Variants in VTI1A observed in about 807,000 individuals in gnomAD.
VTI1A encodes vesicle transport through interaction with t-SNAREs homolog 1A.
VTI1A carries 22 observed loss-of-function variants against 34.9 expected under a neutral mutation model. The ratio of observed to expected loss-of-function variants is 0.63; its 90% CI spans 0.45 to 0.90. The LOEUF is 0.90. Ranked by LOEUF, VTI1A falls within the 40% of genes least tolerant of loss-of-function variation. VTI1A has a pLI of 0.00. For synonymous variants in VTI1A, 87 were observed against 97.3 expected (o/e 0.89, Z 0.62); for missense variants, 268 against 275.6 (o/e 0.97, Z 0.20).
chr10:112,758,881 T>C (rs1851368362), intron 7 of VTI1A, among the ~76,000 whole-genome samples: 1 of 152,206 alleles, frequency 6.6e-6, no homozygotes, highest in South Asian at 2.1e-4. Flanking sequence ...GCATCTTCCT[T>C]TCGAAACCAG....
the VTI1A span, among the ~76,000 whole-genome samples, chr10:112,834,728 C>T: frequency 5.3e-5 from 8 of 152,350 alleles, no homozygotes; most frequent in South Asian, 2.1e-4. Context: ...GCTGGAAGCT[C>T]GCTCCCCTGG....
intron 5 of VTI1A, among the ~76,000 whole-genome samples, chr10:112,626,734 C>T (rs1845937910): frequency 6.6e-6 from 1 of 152,190 alleles, no homozygotes; most frequent in African/African-American, 2.4e-5. Context: ...TGGTAGTCCA[C>T]TGCTCTTCAG....
intron 5 of VTI1A, among the ~76,000 whole-genome samples, chr10:112,556,195 G>A (rs74353876): frequency 6.6e-6 from 1 of 151,916 alleles, no homozygotes; most frequent in South Asian, 2.1e-4. Flanking sequence ...GACTTCTTAT[G>A]TGAGTCTGAA....
intron 5 of VTI1A, among the ~76,000 whole-genome samples, chr10:112,622,209 A>G (rs1380785955): frequency 6.6e-6 from 1 of 152,154 alleles, no homozygotes; most frequent in African/African-American, 2.4e-5. Flanking sequence ...CGATATACCT[A>G]AAAGCCAAAC....
chr10:112,508,615 G>A (rs915081612), intron 3 of VTI1A, among the ~76,000 whole-genome samples: 1 of 152,174 alleles, frequency 6.6e-6, no homozygotes, highest in African/African-American at 2.4e-5. Flanking sequence ...AAGCAGATGT[G>A]TAGACTGGGT....
intron 7 of VTI1A, among the ~76,000 whole-genome samples, chr10:112,786,762 AC>A (rs1227291203): frequency 1.3e-5 from 2 of 152,212 alleles, no homozygotes; most frequent in African/African-American, 4.8e-5. Flanking sequence ...TGTTAAATCA[AC>A]CTTGCATTTC....
the VTI1A span, chr10:112,827,551 G>T: frequency 6.6e-6 from 1 of 151,666 alleles, no homozygotes. Context: ...ATATTCACAG[G>T]GTTATTGTTT....
the VTI1A span, among the ~76,000 whole-genome samples, chr10:112,840,495 G>A: frequency 8.7e-4 from 133 of 152,298 alleles, no homozygotes; most frequent in African/African-American, 3.1e-3. Flanking sequence ...AATAGCCTTC[G>A]CTTGTTCTCA....
intron 5 of VTI1A, among the ~76,000 whole-genome samples, chr10:112,630,937 TATG>T: frequency 6.6e-6 from 1 of 151,942 alleles, no homozygotes; most frequent in Non-Finnish European, 1.5e-5. Context: ...GCCTGACCAA[TATG>T]ATGAAACCCC....
intron 7 of VTI1A, among the ~76,000 whole-genome samples, chr10:112,742,714 C>G (rs1207919119): frequency 6.6e-6 from 1 of 152,176 alleles, no homozygotes; most frequent in Non-Finnish European, 1.5e-5. Context: ...GTTGGCATCT[C>G]TGTTCTATGA....
intron 3 of VTI1A, among the ~76,000 whole-genome samples, chr10:112,482,120 C>T (rs1439043256): frequency 6.6e-6 from 1 of 152,026 alleles, no homozygotes. Context: ...AAAATACTAT[C>T]CTGTGTCTTA....
In VTI1A at chr10:112,583,987, T is replaced by C. The variant is rs549952333; in HGVS notation, c.427+45657T>C. The stretch of plus-strand genomic sequence containing the variant: ...TGCCTTGTCATATGGCAGTCACATA[T>C]AATGTTCTCTTTTCTTCTCCTGTAT... On this transcript the variant is annotated intron_variant, in intron 5 of 7. Coordinates refer to ENST00000393077, the MANE Select transcript of VTI1A (RefSeq NM_145206.4). Among the ~76,000 whole-genome samples, 3 of 152,338 alleles carry C rather than the reference T, an allele frequency of 2.0e-5. No homozygotes were observed. In the East Asian group the frequency reaches 5.8e-4, roughly 29 times the overall value.
intron 7 of VTI1A, among the ~76,000 whole-genome samples, chr10:112,675,953 T>A (rs1326084686): frequency 6.6e-6 from 1 of 152,158 alleles, no homozygotes; most frequent in Non-Finnish European, 1.5e-5. Flanking sequence ...TGGAAATTTT[T>A]ATAAATGTGT....
At chr10:112,504,762 A>G (rs929691991) in intron 3 of VTI1A, among the ~76,000 whole-genome samples, 8 of 152,192 alleles carry the variant, frequency 5.3e-5, no homozygotes, top group African/African-American at 1.9e-4. Flanking sequence ...GCATGGAGAT[A>G]TTGGTTACTT....
chr10:112,681,998 A>G (rs1170201592), intron 7 of VTI1A, among the ~76,000 whole-genome samples: 1 of 152,240 alleles, frequency 6.6e-6, no homozygotes, highest in Non-Finnish European at 1.5e-5. Context: ...GCCAATAAAG[A>G]AAAGCATTCA....
intron 3 of VTI1A, among the ~76,000 whole-genome samples, chr10:112,513,639 A>G (rs1849685864): frequency 6.6e-6 from 1 of 151,856 alleles, no homozygotes; most frequent in Non-Finnish European, 1.5e-5. Context: ...AGCATTTAAC[A>G]TTTCACCATG....
chr10:112,552,846 C>T (rs1851410526), intron 5 of VTI1A, among the ~76,000 whole-genome samples: 1 of 152,180 alleles, frequency 6.6e-6, no homozygotes, highest in African/African-American at 2.4e-5. Flanking sequence ...ACGTCTTTCT[C>T]TTCTCTCTTT....
intron 5 of VTI1A, among the ~76,000 whole-genome samples, chr10:112,611,120 T>C (rs1845293168): frequency 6.6e-6 from 1 of 152,180 alleles, no homozygotes; most frequent in Admixed American, 6.5e-5. Flanking sequence ...ATGAGAGCTG[T>C]CCCAGCATGG....
At position 112,505,145 on chromosome 10, in the gene VTI1A, T is replaced by G. The variant is rs577131564; in HGVS notation, c.265-21942T>G. Among the ~76,000 whole-genome samples the G allele has an allele frequency of 2.0e-5, 3 of 152,310 alleles. 1 individual carries two copies. The highest frequency in any genetic ancestry group is 7.2e-5 in the African/African-American group (3 of 41,574). ...CGAACATTTTTGTTTTTTATATAGT[T>G]GAAATTATTACTCTTATATAGTTAT... On this transcript the variant is annotated intron_variant, in intron 3 of 7. Coordinates refer to ENST00000393077, the MANE Select transcript of VTI1A (RefSeq NM_145206.4).
Sources: gnomAD v4.1 joint callset for allele counts (sites outside exome capture counted in the v4.1 genomes callset) on GRCh38, gnomAD v4.1.1 for gene constraint, MANE v1.5 for transcripts, NCBI Gene and HGNC (gene_info 2026-07-23, HGNC 2026-07-21) for gene names.